The following SAMD4A variants were observed in gnomAD, a reference collection of about 807,000 sequenced individuals.
SAMD4A encodes the protein protein Smaug homolog 1.
In SAMD4A, 33 loss-of-function variants were observed where a neutral mutation model predicts 81.3. The ratio of observed to expected loss-of-function variants is 0.41; its 90% confidence interval spans 0.31 to 0.54. SAMD4A has a LOEUF of 0.54. Among genes scored for constraint, SAMD4A ranks in the 20% least tolerant of loss-of-function variants. SAMD4A has a pLI of 0.37. For missense variants in SAMD4A, 854 were observed against 951.1 expected, an observed-to-expected ratio of 0.90 and a Z score of 1.34; for synonymous variants, 389 against 382.1, an observed-to-expected ratio of 1.02 and a Z score of -0.21.
At chr14:54,680,711 A>G (rs1300339268) in intron 2 of SAMD4A, among the ~76,000 whole-genome samples, 2 of 152,210 alleles carry the variant, frequency 1.3e-5, no homozygotes, top group African/African-American at 2.4e-5. Context: ...AGCGGTTTAT[A>G]TTTTTACTGT....
At chr14:54,576,497 G>T (rs1373517280) in intron 2 of SAMD4A, among the ~76,000 whole-genome samples, 6 of 152,194 alleles carry the variant, frequency 3.9e-5, no homozygotes, top group Admixed American at 3.3e-4. Context: ...GGTTAATATT[G>T]GGCCTGTGCA....
intron 2 of SAMD4A, among the ~76,000 whole-genome samples, chr14:54,641,386 A>T (rs2035170295): frequency 6.6e-6 from 1 of 152,210 alleles, no homozygotes; most frequent in African/African-American, 2.4e-5. Context: ...TACAGATCAC[A>T]ACCTAGTCTT....
At chr14:54,678,689 C>G (rs1205163465) in intron 2 of SAMD4A, among the ~76,000 whole-genome samples, 1 of 151,980 alleles carries the variant, frequency 6.6e-6, no homozygotes, top group Non-Finnish European at 1.5e-5. Context: ...GCTGGGACTA[C>G]AGGCGCCCGC....
intron 2 of SAMD4A, among the ~76,000 whole-genome samples, chr14:54,647,009 A>G (rs2035300846): frequency 1.3e-5 from 2 of 152,338 alleles, no homozygotes; most frequent in South Asian, 4.1e-4. Flanking sequence ...GTTCGAATTT[A>G]TGTTACTTTG....
At chr14:54,654,097 G>A (rs2035466927) in intron 2 of SAMD4A, among the ~76,000 whole-genome samples, 1 of 152,206 alleles carries the variant, frequency 6.6e-6, no homozygotes. Context: ...CAGGAATTAT[G>A]TTTTGCTCCA....
intron 6 of SAMD4A, among the ~76,000 whole-genome samples, chr14:54,753,539 G>A (rs1342762552): frequency 2.0e-5 from 3 of 152,214 alleles, no homozygotes; most frequent in Admixed American, 2.0e-4. Flanking sequence ...TTCAAGTACA[G>A]GTCTTTTTCA....
Position 54,602,813 on chromosome 14 carries a change from A to G in SAMD4A, c.196+34701A>G, listed in dbSNP as rs143062814. The stretch of plus-strand genomic sequence containing the variant: ...AAGTATAATTAAAAAAAAAAAAGAC[A>G]TTCGCCTTCTTACATTCTCTCTCAG... On this transcript the variant is annotated intron_variant, in intron 2 of 12. Coordinates refer to ENST00000554335, the MANE Select transcript of SAMD4A (RefSeq NM_015589.6). 6.2e-3 allele frequency among the ~76,000 whole-genome samples: 942 copies of G among 151,366 alleles called. 15 individuals are homozygous for G. Among genetic ancestry groups the G allele is most frequent in the African/African-American group, 0.022 (903 of 40,966 alleles).
intron 2 of SAMD4A, among the ~76,000 whole-genome samples, chr14:54,667,580 C>G (rs1005063218): frequency 6.6e-6 from 1 of 152,182 alleles, no homozygotes; most frequent in Non-Finnish European, 1.5e-5. Context: ...TCTTCCACAT[C>G]CTGCTATTCA....
chr14:54,770,452 T>G (rs1248438144), intron 9 of SAMD4A, among the ~76,000 whole-genome samples: 3 of 152,232 alleles, frequency 2.0e-5, no homozygotes, highest in Non-Finnish European at 4.4e-5. Context: ...CAGTTTGCAT[T>G]GTCAAAATGA....
rs114654976 is a variant in SAMD4A at position 54,782,177 on chromosome 14, G to A, written c.2045-2360G>A. On this transcript the variant is annotated intron_variant, in intron 11 of 12. Coordinates refer to ENST00000554335, the MANE Select transcript of SAMD4A (RefSeq NM_015589.6). ...GGCTTGGAAAATGGCATTTTGCTGCGTGTTGGCAAGAAATCCTGCAGCTGA... is the reference window on the plus strand; with the variant it reads ...GGCTTGGAAAATGGCATTTTGCTGCATGTTGGCAAGAAATCCTGCAGCTGA... Among the ~76,000 whole-genome samples, 452 of 152,278 alleles carry A rather than the reference G, an allele frequency of 3.0e-3. 2 individuals are homozygous for A. Among genetic ancestry groups the A allele is most frequent in the African/African-American group, 0.01 (426 of 41,558 alleles).
At chr14:54,700,105 A>G (rs1325218781) in intron 2 of SAMD4A, among the ~76,000 whole-genome samples, 1 of 152,146 alleles carries the variant, frequency 6.6e-6, no homozygotes, top group African/African-American at 2.4e-5. Context: ...GTTTTTTAAA[A>G]CTTGGCATCC....
chr14:54,594,804 T>A (rs2033870512), intron 2 of SAMD4A, among the ~76,000 whole-genome samples: 1 of 152,222 alleles, frequency 6.6e-6, no homozygotes, highest in Non-Finnish European at 1.5e-5. Flanking sequence ...TGGTGCATAA[T>A]TTTTGCATTG....
Position 54,702,441 on chromosome 14 carries a change from C to G in SAMD4A, c.576C>G (p.Asn192Lys), listed in dbSNP as rs1018803699. Residue 192 changes from asparagine (N) to lysine (K), a missense_variant, in exon 3 of 13, where the codon AAC becomes AAG. Physicochemically the swap from Asn to Lys is moderately conservative, Grantham distance 94. This residue lies in a region of SAMD4A where 387 missense variants were observed against 405.8 expected (regional missense o/e 0.95). Coordinates refer to ENST00000554335, the MANE Select transcript of SAMD4A (RefSeq NM_015589.6). Reference sequence around the variant, plus strand: ...ATGACAAGCTCAATGGGTGGCAGAACTCTCGGGATTCTGGGATTTGCATCA... The same window carrying G: ...ATGACAAGCTCAATGGGTGGCAGAAGTCTCGGGATTCTGGGATTTGCATCA... Reference protein sequence around the residue: ...NSDDKLNGWQNSRDSGICINA... With the variant: ...NSDDKLNGWQKSRDSGICINA... The G allele has an allele frequency of 6.2e-6, 10 of 1,614,058 alleles. No individual in the cohort carries two copies. In the Admixed American group the frequency reaches 8.3e-5, roughly 13 times the overall value.
At chr14:54,648,248 TGAG>T (rs1228007433) in intron 2 of SAMD4A, among the ~76,000 whole-genome samples, 2 of 151,972 alleles carry the variant, frequency 1.3e-5, no homozygotes, top group Non-Finnish European at 2.9e-5. Flanking sequence ...GGGGTTTCAG[TGAG>T]GAGATGACCA....
intron 4 of SAMD4A, among the ~76,000 whole-genome samples, chr14:54,738,129 C>T (rs1041674516): frequency 1.3e-5 from 2 of 152,196 alleles, no homozygotes; most frequent in Non-Finnish European, 2.9e-5. Context: ...AAACAGTAAC[C>T]ACTCATGCTT....
chr14:54,743,014 G>A (rs1383326142), intron 4 of SAMD4A, among the ~76,000 whole-genome samples: 1 of 152,166 alleles, frequency 6.6e-6, no homozygotes, highest in African/African-American at 2.4e-5. Flanking sequence ...GTAGACCTTT[G>A]AACCTCTGCT....
At chr14:54,781,674 G>A (rs2039002009) in intron 11 of SAMD4A, among the ~76,000 whole-genome samples, 1 of 152,214 alleles carries the variant, frequency 6.6e-6, no homozygotes, top group Admixed American at 6.5e-5. Flanking sequence ...CGAGGGGCAG[G>A]GGCCTGGGAT....
In SAMD4A at chr14:54,667,234, C is replaced by G. The variant is rs80023642; in HGVS notation, c.197-34828C>G. ...CAGGTTTTCAAGTGCAAGACAAAGT[C>G]GTTAGCTCAGGGTTCAGCTGTTACC... is the stretch of plus-strand genomic sequence containing the variant. On this transcript the variant is annotated intron_variant, in intron 2 of 12. Coordinates refer to ENST00000554335, the MANE Select transcript of SAMD4A (RefSeq NM_015589.6). 2.1e-3 allele frequency among the ~76,000 whole-genome samples: 324 copies of G among 152,214 alleles called. 1 individual carries two copies. Among genetic ancestry groups the G allele is most frequent in the African/African-American group, 7.4e-3 (306 of 41,532 alleles).
At chr14:54,705,333 G>A (rs1003667493) in intron 3 of SAMD4A, among the ~76,000 whole-genome samples, 1 of 152,104 alleles carries the variant, frequency 6.6e-6, no homozygotes, top group Non-Finnish European at 1.5e-5. Context: ...GTATTCTAAG[G>A]GGCCTTGAAT....
Sources: gnomAD v4.1 joint callset for allele counts (sites outside exome capture counted in the v4.1 genomes callset) on GRCh38, gnomAD v4.1.1 for gene constraint, gnomAD v4.1.1 regional missense constraint, MANE v1.5 for transcripts, NCBI Gene and HGNC (gene_info 2026-07-23, HGNC 2026-07-21) for gene names.